TGFBR3: variants seen among roughly 807,000 people sequenced by gnomAD.
TGFBR3 encodes transforming growth factor beta receptor type 3.
In TGFBR3, 46 loss-of-function variants were observed where a neutral mutation model predicts 87.9. The observed-to-expected ratio is 0.52, with a 90% CI of 0.41 to 0.67. The LOEUF (loss-of-function observed/expected upper bound fraction) is 0.67. Among genes scored for constraint, TGFBR3 ranks in the 30% least tolerant of loss-of-function variants. TGFBR3 has a pLI of 0.00. For synonymous variants in TGFBR3, 381 were observed against 391.6 expected (o/e 0.97, Z 0.32); for missense variants, 866 against 1,041.9 (o/e 0.83, Z 2.32).
chr1:91,695,790 G>A lies in TGFBR3; in HGVS notation c.2330-11C>T, dbSNP rs369117623. 2 of 1,611,904 alleles carry A rather than the reference G, an allele frequency of 1.2e-6. No individual in the cohort carries two copies. Among genetic ancestry groups the A allele is most frequent in the South Asian group, 1.1e-5 (1 of 91,038 alleles). The stretch of plus-strand genomic sequence containing the variant: ...GACCATGGAAAATTGCTATAAAGGA[G>A]AGAAACCGATACACACAACTTTTTG... On this transcript the variant is annotated splice_polypyrimidine_tract_variant and intron_variant, in intron 15 of 16. Transcript: ENST00000212355.
chr1:91,698,094 G>T lies in TGFBR3; in HGVS notation c.2324C>A (p.Ser775Tyr), dbSNP rs1227455477. ...ATAGTTGCATAAAGACTTACGTGGAGAAATTGGATTTGGTTCCTTCATGCT... is the reference window on the plus strand; with the variant it reads ...ATAGTTGCATAAAGACTTACGTGGATAAATTGGATTTGGTTCCTTCATGCT... ...GPSMKEPNPI[S>Y]PPIFHGLDTL... The change falls in exon 15 of 17, where the codon TCT (serine) becomes TAT (tyrosine). Residue 775 changes from serine to tyrosine, a missense_variant. Ser to Tyr is a moderately radical substitution (Grantham distance 144). Transcript: ENST00000212355. 5 of 1,613,934 alleles carry T rather than the reference G, an allele frequency of 3.1e-6. No individual in the cohort carries two copies. The South Asian group carries it at 5.5e-5, about 18-fold the overall frequency.
intron 1 of TGFBR3, chr1:91,863,904 C>A (rs1571584595): frequency 6.6e-6 from 1 of 152,308 alleles, no homozygotes; most frequent in African/African-American, 2.4e-5. Flanking sequence ...TCTCCGTTAA[C>A]TTAAAAATTC....
At chr1:91,786,205 T>G (rs1368963862) in intron 3 of TGFBR3, 2 of 456,228 alleles carry the variant, frequency 4.4e-6, no homozygotes, top group Middle Eastern at 6.5e-4. Context: ...AGTGGGTTCT[T>G]AATAGTGATT....
intron 2 of TGFBR3, among the ~76,000 whole-genome samples, chr1:91,837,834 G>A (rs1444660222): frequency 6.6e-6 from 1 of 152,070 alleles, no homozygotes; most frequent in Non-Finnish European, 1.5e-5. Context: ...AGCAGTGAAA[G>A]AAATAATTTT....
intron 16 of TGFBR3, among the ~76,000 whole-genome samples, chr1:91,686,771 G>A (rs983245384): frequency 4.6e-5 from 7 of 152,136 alleles, no homozygotes; most frequent in Non-Finnish European, 8.8e-5. Context: ...CTCTGATTTC[G>A]TGGAGCACCA....
chr1:91,811,058 C>T (rs1399216808), intron 2 of TGFBR3, among the ~76,000 whole-genome samples: 5 of 152,184 alleles, frequency 3.3e-5, no homozygotes, highest in Non-Finnish European at 5.9e-5. Flanking sequence ...CACCTGTAAT[C>T]CCAGCACTTT....
intron 7 of TGFBR3, among the ~76,000 whole-genome samples, chr1:91,726,936 A>G (rs985809997): frequency 3.9e-5 from 6 of 152,198 alleles, no homozygotes; most frequent in Admixed American, 2.0e-4. Flanking sequence ...CATATTTGAG[A>G]TAAGATTTAC....
intron 12 of TGFBR3, among the ~76,000 whole-genome samples, chr1:91,713,068 G>A (rs966242137): frequency 3.3e-5 from 5 of 152,274 alleles, no homozygotes; most frequent in East Asian, 1.9e-4. Flanking sequence ...CTGCTTCATC[G>A]GCGAGAAGGC....
At chr1:91,711,158 T>C (rs898375548) in intron 13 of TGFBR3, among the ~76,000 whole-genome samples, 13 of 152,196 alleles carry the variant, frequency 8.5e-5, no homozygotes, top group African/African-American at 2.2e-4. Context: ...CCAACCCTGA[T>C]GGTGAATGCC....
intron 2 of TGFBR3, among the ~76,000 whole-genome samples, chr1:91,894,607 CTT>C (rs1557766648): frequency 6.6e-6 from 1 of 152,210 alleles, no homozygotes; most frequent in Non-Finnish European, 1.5e-5. Flanking sequence ...ACTTCATCCT[CTT>C]TGAGACACTG....
In TGFBR3 at chr1:91,729,913, G is replaced by T; in HGVS notation, c.629C>A (p.Ala210Asp). The T allele has an allele frequency of 3.1e-6, 5 of 1,614,166 alleles. No individual in the cohort carries two copies. The highest frequency in any genetic ancestry group is 4.2e-6 in the Non-Finnish European group (5 of 1,180,026). Reference sequence around the variant, plus strand: ...TGCTGCTTTGGGTTGAAGGTACTCAGCAAGGTAATTGAGTGAGAGAAAATT... The same window carrying T: ...TGCTGCTTTGGGTTGAAGGTACTCATCAAGGTAATTGAGTGAGAGAAAATT... ...GKNFLSLNYL[A>D]EYLQPKAAEG... The change falls in exon 6 of 17, where the codon GCT (alanine) becomes GAT (aspartate). Residue 210 changes from alanine to aspartate, a missense_variant. By Grantham distance (126) the Ala-to-Asp change is moderately radical (BLOSUM62 -2). Coordinates refer to ENST00000212355, the MANE Select transcript of TGFBR3 (RefSeq NM_003243.5).
intron 2 of TGFBR3, among the ~76,000 whole-genome samples, chr1:91,827,229 C>G (rs1676677833): frequency 6.6e-6 from 1 of 152,144 alleles, no homozygotes; most frequent in Admixed American, 6.5e-5. Flanking sequence ...AGCGCTGTAG[C>G]AACGATCACA....
chr1:91,846,071 A>G (rs1309129373), intron 2 of TGFBR3, among the ~76,000 whole-genome samples: 9 of 152,236 alleles, frequency 5.9e-5, no homozygotes, highest in Non-Finnish European at 1.3e-4. Flanking sequence ...GAGCTCCCTC[A>G]CGGAGAGCCT....
intron 1 of TGFBR3, among the ~76,000 whole-genome samples, chr1:91,881,883 T>A (rs926027202): frequency 4.0e-5 from 6 of 151,392 alleles, no homozygotes; most frequent in African/African-American, 1.5e-4. Flanking sequence ...ACGAAAAATA[T>A]AAAAAATTAG....
intron 2 of TGFBR3, among the ~76,000 whole-genome samples, chr1:91,818,277 C>CTTTTTTTTTTTTTTTTTT (rs1557726893): frequency 8.1e-6 from 1 of 123,142 alleles, no homozygotes; most frequent in Non-Finnish European, 1.7e-5. Flanking sequence ...TTAGCCCCAG[C>CTTTTTTTTTTTTTTTTTT]CTTTTTTTTT....
At chr1:91,711,244 T>A (rs968265110) in intron 13 of TGFBR3, among the ~76,000 whole-genome samples, 4 of 152,218 alleles carry the variant, frequency 2.6e-5, no homozygotes, top group Non-Finnish European at 5.9e-5. Flanking sequence ...TGCTCCCCAA[T>A]GATTATGATC....
At chr1:91,904,172 A>G (rs1570352601) in intron 1 of TGFBR3, among the ~76,000 whole-genome samples, 1 of 152,316 alleles carries the variant, frequency 6.6e-6, no homozygotes, top group East Asian at 1.9e-4. Context: ...CAACAGAGCA[A>G]CACTGTCTCA....
At position 91,695,500 on chromosome 1, in the gene TGFBR3, T is replaced by C. The variant is rs1308697695; in HGVS notation, c.2437+172A>G. ...AAACCTTCCTTTTCTTTCCACTGTTTATGGCAAATTATACTTTTGTGAAAC... is the reference window on the plus strand; with the variant it reads ...AAACCTTCCTTTTCTTTCCACTGTTCATGGCAAATTATACTTTTGTGAAAC... On this transcript the variant is annotated intron_variant, in intron 16 of 16. Transcript: ENST00000212355. 11 of 676,064 alleles carry C rather than the reference T, an allele frequency of 1.6e-5. No homozygotes were observed. The East Asian group carries it at 3.1e-4, about 19-fold the overall frequency. 41.9% of individuals were successfully genotyped at this position (676,064 alleles called of 1,614,324 possible).
At chr1:91,697,962 G>T in intron 15 of TGFBR3, 127 bp downstream of exon 15, 1 of 854,448 alleles carries the variant, frequency 1.2e-6, no homozygotes, top group Non-Finnish European at 2.0e-6. Context: ...GAAAGGGGAA[G>T]GGGGAAGGGG....
Sources: gnomAD v4.1 joint callset for allele counts (sites outside exome capture counted in the v4.1 genomes callset) on GRCh38, gnomAD v4.1.1 for gene constraint, MANE v1.5 for transcripts, NCBI Gene and HGNC (gene_info 2026-07-23, HGNC 2026-07-21) for gene names.